The following TYW1B variants were observed in gnomAD, a reference collection of about 807,000 sequenced individuals.
The protein encoded by TYW1B is tRNA-yW synthesizing protein 1 homolog B, also known as S-adenosyl-L-methionine-dependent tRNA 4-demethylwyosine synthase TYW1B.
In TYW1B, 73 loss-of-function variants were observed where a neutral mutation model predicts 86.9. That is an observed-to-expected ratio of 0.84 (90% CI 0.70 to 1.02). The LOEUF (loss-of-function observed/expected upper bound fraction) is 1.02, where lower values mean the gene tolerates loss of function less well. Ranked by LOEUF, TYW1B falls within the 50% of genes least tolerant of loss-of-function variation. The pLI, the probability that TYW1B is intolerant of heterozygous loss-of-function variation, is 0.00. For synonymous variants in TYW1B, 248 were observed against 292.8 expected (o/e 0.85, Z 1.56); for missense variants, 637 against 827.4 (o/e 0.77, Z 2.82).
At chr7:72,607,464 A>G (rs61488742) in intron 13 of TYW1B, among the ~76,000 whole-genome samples, 33,994 of 150,354 alleles carry the variant, frequency 0.23, 4,528 homozygotes, top group African/African-American at 0.37. Context: ...AAGAAGAAAG[A>G]AAAGAGAAGA....
intron 11 of TYW1B, among the ~76,000 whole-genome samples, chr7:72,654,675 G>A (rs1336246683): frequency 6.6e-6 from 1 of 152,202 alleles, no homozygotes; most frequent in East Asian, 1.9e-4. Context: ...GAGGTCAGGA[G>A]TTCAAGACCA....
chr7:72,795,319 TAAAATTTAC>T (rs199969580), intron 6 of TYW1B, among the ~76,000 whole-genome samples: 13,896 of 151,976 alleles, frequency 0.091, 718 homozygotes, highest in African/African-American at 0.1. Flanking sequence ...GATCCAAGAC[TAAAATTTAC>T]AAAATGCTTT....
At chr7:72,777,171 C>T (rs1787970619) in intron 7 of TYW1B, among the ~76,000 whole-genome samples, 1 of 152,098 alleles carries the variant, frequency 6.6e-6, no homozygotes, top group Non-Finnish European at 1.5e-5. Flanking sequence ...CCAATGACAG[C>T]ACTTTTGATC....
intron 11 of TYW1B, among the ~76,000 whole-genome samples, chr7:72,670,920 TG>T (rs1456359771): frequency 6.6e-6 from 1 of 152,256 alleles, no homozygotes; most frequent in African/African-American, 2.4e-5. Flanking sequence ...TTTATTTTTA[TG>T]ATGGCCTCTT....
chr7:72,637,738 T>C (rs1279862988), intron 11 of TYW1B, among the ~76,000 whole-genome samples: 2 of 152,018 alleles, frequency 1.3e-5, no homozygotes, highest in Non-Finnish European at 2.9e-5. Flanking sequence ...TCTTAATATA[T>C]GCATTTAGCT....
In TYW1B at chr7:72,744,357, A is replaced by T. The variant is rs1787356795; in HGVS notation, c.1082+127T>A. On this transcript the variant is annotated intron_variant, in intron 8 of 13. Transcript: ENST00000620995. ...GTCTACAAAATTTTTATACACTAAC[A>T]TTCACAGTGAAAAAGATTAATCACC... is the stretch of plus-strand genomic sequence containing the variant. 8.7e-6 allele frequency: 9 copies of T among 1,033,082 alleles called. No homozygotes were observed. In the East Asian group the frequency reaches 2.2e-4, roughly 25 times the overall value. The allele number at this position is 1,033,082 out of a possible 1,614,324, so 64.0% of individuals were successfully genotyped here.
intron 6 of TYW1B, among the ~76,000 whole-genome samples, chr7:72,792,455 G>C (rs543949798): frequency 2.0e-5 from 3 of 152,290 alleles, no homozygotes; most frequent in African/African-American, 7.2e-5. Flanking sequence ...CAAAGCTACT[G>C]TTTTTCAGAT....
chr7:72,818,704 T>C (rs1223558178), intron 2 of TYW1B, among the ~76,000 whole-genome samples: 1 of 151,850 alleles, frequency 6.6e-6, no homozygotes, highest in Non-Finnish European at 1.5e-5. Flanking sequence ...CATCTGCTTC[T>C]GAAGAGGCCT....
At chr7:72,798,903 C>T (rs1302350620) in intron 6 of TYW1B, among the ~76,000 whole-genome samples, 1 of 152,170 alleles carries the variant, frequency 6.6e-6, no homozygotes, top group East Asian at 1.9e-4. Context: ...GTTTAAATCT[C>T]TCTGTAGAGC....
intron 9 of TYW1B, among the ~76,000 whole-genome samples, chr7:72,724,381 G>A (rs560174592): frequency 6.6e-6 from 1 of 152,306 alleles, no homozygotes; most frequent in East Asian, 1.9e-4. Context: ...GCTGAGGTGG[G>A]AGGATCACTT....
intron 12 of TYW1B, among the ~76,000 whole-genome samples, chr7:72,622,108 T>C (rs1730885684): frequency 6.6e-6 from 1 of 152,024 alleles, no homozygotes; most frequent in Non-Finnish European, 1.5e-5. Context: ...TGGATTGTGT[T>C]ACAAAAGTTT....
At chr7:72,623,414 T>C (rs1812272891) in intron 12 of TYW1B, among the ~76,000 whole-genome samples, 3 of 152,096 alleles carry the variant, frequency 2.0e-5, no homozygotes. Flanking sequence ...TCCAAGGCCA[T>C]TTGAGGGTAA....
At position 72,687,581 on chromosome 7, in the gene TYW1B, T is replaced by C. The variant is rs552371222; in HGVS notation, c.1506+7106A>G. Among the ~76,000 whole-genome samples, 11 of 152,298 alleles carry C rather than the reference T, an allele frequency of 7.2e-5. No individual in the cohort carries two copies. The South Asian group carries it at 2.1e-3, about 29-fold the overall frequency. On this transcript the variant is annotated intron_variant, in intron 11 of 13. Coordinates refer to ENST00000620995, the MANE Select transcript of TYW1B (RefSeq NM_001145440.3). ...TATGTTGAATGTTATTATAATATTATAATTGAGTTATTATATTATAATGTT... is the reference window on the plus strand; with the variant it reads ...TATGTTGAATGTTATTATAATATTACAATTGAGTTATTATATTATAATGTT...
chr7:72,653,583 G>A (rs1166573059), intron 11 of TYW1B, among the ~76,000 whole-genome samples: 2 of 150,086 alleles, frequency 1.3e-5, no homozygotes, highest in Non-Finnish European at 3.0e-5. Flanking sequence ...CTCCAGCCTG[G>A]GCGACAGAGC....
chr7:72,673,922 T>C (rs868931481), intron 11 of TYW1B, among the ~76,000 whole-genome samples: 1 of 152,154 alleles, frequency 6.6e-6, no homozygotes, highest in Admixed American at 6.5e-5. Context: ...ACAAAACTCT[T>C]TTTAGAACCC....
At chr7:72,801,337 A>T (rs1554475576) in intron 6 of TYW1B, among the ~76,000 whole-genome samples, 1 of 152,220 alleles carries the variant, frequency 6.6e-6, no homozygotes, top group African/African-American at 2.4e-5. Context: ...TCAAAAAAAT[A>T]AAAAATAAAT....
intron 7 of TYW1B, among the ~76,000 whole-genome samples, chr7:72,764,313 C>G (rs1349480004): frequency 2.6e-4 from 39 of 152,118 alleles, no homozygotes; most frequent in Non-Finnish European, 2.8e-4. Flanking sequence ...TTAAGACAGA[C>G]TCTCTGTCGC....
At chr7:72,580,819 T>C (rs1234389872) in intron 13 of TYW1B, among the ~76,000 whole-genome samples, 1 of 149,914 alleles carries the variant, frequency 6.7e-6, no homozygotes, top group Non-Finnish European at 1.5e-5. Flanking sequence ...ATATATAACA[T>C]AAAAATAAAG....
intron 13 of TYW1B, among the ~76,000 whole-genome samples, chr7:72,607,393 C>CAAA (rs57281644): frequency 2.2e-4 from 17 of 76,212 alleles, no homozygotes; most frequent in South Asian, 5.3e-4. Flanking sequence ...TTCTGTCTCT[C>CAAA]AAAAAAAAAA....
Sources: gnomAD v4.1 joint callset for allele counts (sites outside exome capture counted in the v4.1 genomes callset) on GRCh38, gnomAD v4.1.1 for gene constraint, MANE v1.5 for transcripts, NCBI Gene and HGNC (gene_info 2026-07-23, HGNC 2026-07-21) for gene names.